PSMA6: variants seen among roughly 807,000 people sequenced by gnomAD.
PSMA6 encodes proteasome subunit alpha type-6.
For synonymous variants in PSMA6, 88 were observed against 97.7 expected (o/e 0.90, Z 0.59); for missense variants, 170 against 294.8 (o/e 0.58, Z 3.10).
At chr14:35,286,634 T>C (rs1420544454) in intron 1 of PSMA6, among the ~76,000 whole-genome samples, 1 of 152,210 alleles carries the variant, frequency 6.6e-6, no homozygotes, top group African/African-American at 2.4e-5. Context: ...GAGGGGTTCA[T>C]GTATAGTTGT....
chr14:35,284,085 C>T (rs2051396405), intron 1 of PSMA6, among the ~76,000 whole-genome samples: 1 of 152,168 alleles, frequency 6.6e-6, no homozygotes, highest in Non-Finnish European at 1.5e-5. Flanking sequence ...TAAATGTCTC[C>T]CCGTAGCCTT....
chr14:35,301,107 A>G, intron 1 of PSMA6, among the ~76,000 whole-genome samples: 1 of 152,192 alleles, frequency 6.6e-6, no homozygotes, highest in East Asian at 1.9e-4. Context: ...GGGAAATACC[A>G]GTATTTCAGG....
At chr14:35,290,891 C>T (rs973241278), upstream of PSMA6, among the ~76,000 whole-genome samples, 13 of 152,208 alleles carry the variant, frequency 8.5e-5, no homozygotes, top group African/African-American at 2.9e-4. Context: ...TTAATCCATG[C>T]AACACTAGCT....
intron 1 of PSMA6, among the ~76,000 whole-genome samples, chr14:35,283,820 G>A (rs1038873390): frequency 5.9e-5 from 9 of 151,996 alleles, no homozygotes; most frequent in Non-Finnish European, 1.2e-4. Flanking sequence ...CTCCCAACTC[G>A]GCCTCCCAAA....
At chr14:35,308,149 C>G in intron 2 of PSMA6, 61 bp downstream of exon 2, 1 of 1,580,278 alleles carries the variant, frequency 6.3e-7, no homozygotes, top group Admixed American at 1.7e-5. Context: ...CAGCCAAGTG[C>G]AGTGGCTCAC....
At chr14:35,293,457 G>C (rs1163026971) in intron 1 of PSMA6, among the ~76,000 whole-genome samples, 1 of 152,210 alleles carries the variant, frequency 6.6e-6, no homozygotes, top group African/African-American at 2.4e-5. Flanking sequence ...TCTGGTCCGT[G>C]ATGGTTTTAT....
intron 1 of PSMA6, among the ~76,000 whole-genome samples, chr14:35,285,339 C>CAAAAAAAAAAAAAAAAAA (rs758651038): frequency 1.8e-5 from 1 of 54,518 alleles, no homozygotes; most frequent in African/African-American, 4.8e-5. Context: ...AACTCTATCT[C>CAAAAAAAAAAAAAAAAAA]AAAAAAAACA....
intron 3 of PSMA6, among the ~76,000 whole-genome samples, chr14:35,309,953 C>T (rs150343955): frequency 4.5e-4 from 68 of 151,834 alleles, no homozygotes; most frequent in Admixed American, 4.6e-4. Flanking sequence ...GCCTGGGCAA[C>T]GGAGCAAGAC....
chr14:35,284,287 C>CATA (rs2051398467), intron 1 of PSMA6, among the ~76,000 whole-genome samples: 1 of 152,092 alleles, frequency 6.6e-6, no homozygotes, highest in African/African-American at 2.4e-5. Flanking sequence ...TGGTGCCTCC[C>CATA]ATATTGCTCC....
chr14:35,300,481 A>T, intron 1 of PSMA6, among the ~76,000 whole-genome samples: 1 of 152,076 alleles, frequency 6.6e-6, no homozygotes, highest in Non-Finnish European at 1.5e-5. Context: ...CAGAAAAGAA[A>T]ATAAAAAGGG....
At chr14:35,289,062 A>G (rs141700446), upstream of PSMA6, among the ~76,000 whole-genome samples, 23 of 152,282 alleles carry the variant, frequency 1.5e-4, no homozygotes, top group East Asian at 3.9e-3. Flanking sequence ...AAGCCAAAAG[A>G]TTGGACACTC....
At chr14:35,310,314 G>A (rs542154334) in intron 3 of PSMA6, 75 of 378,306 alleles carry the variant, frequency 2.0e-4, no homozygotes, top group Middle Eastern at 1.8e-3. Context: ...GCACCACCAC[G>A]TGCAGCTAAT....
chr14:35,284,412 A>AT (rs1275545232), intron 1 of PSMA6, among the ~76,000 whole-genome samples: 3 of 151,894 alleles, frequency 2.0e-5, no homozygotes, highest in African/African-American at 4.8e-5. Flanking sequence ...ATATAAGGTC[A>AT]TTTTCTCATC....
chr14:35,308,199 A>T, intron 2 of PSMA6, 111 bp downstream of exon 2: 1 of 1,384,056 alleles, frequency 7.2e-7, no homozygotes, highest in Non-Finnish European at 9.8e-7. Context: ...AGGTGGGCAG[A>T]TCACCTTAGA....
At chr14:35,287,066 C>T (rs764745193) in intron 1 of PSMA6, among the ~76,000 whole-genome samples, 2 of 152,144 alleles carry the variant, frequency 1.3e-5, no homozygotes, top group Non-Finnish European at 2.9e-5. Context: ...CTTTTCTCCT[C>T]CTCCAACACT....
intron 1 of PSMA6, among the ~76,000 whole-genome samples, chr14:35,297,130 T>G (rs1039402517): frequency 4.0e-5 from 6 of 149,256 alleles, no homozygotes; most frequent in Admixed American, 1.3e-4. Context: ...TTTTTTTTTT[T>G]TTTTTTTTTT....
chr14:35,309,745 G>A (rs2051903497), intron 3 of PSMA6, among the ~76,000 whole-genome samples: 1 of 152,016 alleles, frequency 6.6e-6, no homozygotes, highest in Non-Finnish European at 1.5e-5. Context: ...GCAGTGAGCT[G>A]AGATTGTACT....
intron 1 of PSMA6, among the ~76,000 whole-genome samples, chr14:35,306,246 G>A (rs1594388553): frequency 6.6e-6 from 1 of 151,546 alleles, no homozygotes; most frequent in East Asian, 2.0e-4. Context: ...ACCAAAATAT[G>A]TGTCTATTAT....
chr14:35,289,563 C>T (rs1231028448), upstream of PSMA6, among the ~76,000 whole-genome samples: 1 of 152,026 alleles, frequency 6.6e-6, no homozygotes, highest in Non-Finnish European at 1.5e-5. Context: ...TGGTCTTTAA[C>T]TCCTGACCTC....
Sources: allele counts gnomAD v4.1 joint callset (sites outside exome capture counted in the v4.1 genomes callset), GRCh38; gene constraint gnomAD v4.1.1; transcripts MANE v1.5; gene names NCBI Gene and HGNC (gene_info 2026-07-23, HGNC 2026-07-21).